GRM8: variants seen among roughly 807,000 people sequenced by gnomAD.
The protein encoded by GRM8 is metabotropic glutamate receptor 8.
GRM8 carries 47 observed loss-of-function variants against 87.2 expected under a neutral mutation model. The ratio of observed to expected loss-of-function variants is 0.54; its 90% confidence interval spans 0.43 to 0.69. The LOEUF is 0.69. Ranked by LOEUF, GRM8 falls within the 30% of genes least tolerant of loss-of-function variation. The pLI is 0.00. For missense variants in GRM8, 1,019 were observed against 1,139.2 expected, an observed-to-expected ratio of 0.89 and a Z score of 1.52; for synonymous variants, 396 against 404.5, an observed-to-expected ratio of 0.98 and a Z score of 0.25.
chr7:127,243,095 G>T lies in GRM8; in HGVS notation c.110C>A (p.Ala37Asp), dbSNP rs747727857. ...GTCCCCATCCACCCGTATGGAATGG[G>T]CATACTCCTGGCTGTGAGTTCTTTG... ...MMQRTHSQEY[A>D]HSIRVDGDII... is the part of the protein sequence containing the mutation. The change falls in exon 2 of 11, where the codon GCC becomes GAC. Residue 37 changes from alanine to aspartate, a missense_variant. Coordinates refer to ENST00000339582, the MANE Select transcript of GRM8 (RefSeq NM_000845.3). 8.7e-6 allele frequency: 14 copies of T among 1,613,848 alleles called. No individual in the cohort carries two copies. Among genetic ancestry groups the T allele is most frequent in the South Asian group, 1.1e-5 (1 of 91,082 alleles).
intron 2 of GRM8, among the ~76,000 whole-genome samples, chr7:127,201,161 T>C (rs1394366668): frequency 6.6e-6 from 1 of 152,172 alleles, no homozygotes; most frequent in African/African-American, 2.4e-5. Flanking sequence ...TTTTTACAGA[T>C]AAAGTGAGGG....
At chr7:126,815,222 C>T (rs1201582297) in intron 6 of GRM8, among the ~76,000 whole-genome samples, 15 of 152,080 alleles carry the variant, frequency 9.9e-5, no homozygotes, top group Admixed American at 9.8e-4. Flanking sequence ...CAGGCTAACA[C>T]CTCAAGTCTT....
intron 7 of GRM8, among the ~76,000 whole-genome samples, chr7:126,618,682 A>T (rs1799786532): frequency 6.6e-6 from 1 of 152,170 alleles, no homozygotes; most frequent in African/African-American, 2.4e-5. Flanking sequence ...AATTTACAAG[A>T]AAAAAACAAC....
At chr7:127,019,592 G>A (rs1816053572) in intron 3 of GRM8, among the ~76,000 whole-genome samples, 1 of 151,928 alleles carries the variant, frequency 6.6e-6, no homozygotes, top group African/African-American at 2.4e-5. Context: ...CATTTTGCAG[G>A]ATATGTAAAA....
At chr7:127,117,286 G>C (rs1256016320) in intron 2 of GRM8, among the ~76,000 whole-genome samples, 9 of 144,312 alleles carry the variant, frequency 6.2e-5, no homozygotes, top group Non-Finnish European at 1.4e-4. Context: ...CTTTGCTTTG[G>C]TTTGTTTCTT....
intron 3 of GRM8, among the ~76,000 whole-genome samples, chr7:127,066,363 G>A (rs550311119): frequency 6.6e-6 from 1 of 152,268 alleles, no homozygotes; most frequent in East Asian, 1.9e-4. Flanking sequence ...GTAACATTGT[G>A]ACTTATGGAA....
intron 8 of GRM8, among the ~76,000 whole-genome samples, chr7:126,565,086 C>T (rs998970409): frequency 4.6e-5 from 7 of 152,202 alleles, no homozygotes; most frequent in East Asian, 1.9e-4. Context: ...ATATGAAAAG[C>T]CTACAGGTAA....
At chr7:127,006,349 T>G (rs1179176146) in intron 3 of GRM8, among the ~76,000 whole-genome samples, 1 of 152,006 alleles carries the variant, frequency 6.6e-6, no homozygotes, top group Non-Finnish European at 1.5e-5. Context: ...CATGTAAACA[T>G]GTTGTAAAAA....
At position 126,516,972 on chromosome 7, in the gene GRM8, T is replaced by C. The variant is rs1296427541; in HGVS notation, c.2430+15980A>G. Among the ~76,000 whole-genome samples, 6 of 152,088 alleles carry C rather than the reference T, an allele frequency of 3.9e-5. No homozygotes were observed. The East Asian group carries it at 1.2e-3, about 29-fold the overall frequency. On this transcript the variant is annotated intron_variant, in intron 9 of 10. Transcript: ENST00000339582. ...GTGGAGAATAGAAAAAAAAGTCTTA[T>C]AAACAAATCATGTTATAACATATCT...
intron 9 of GRM8, among the ~76,000 whole-genome samples, chr7:126,532,358 T>C (rs1279515572): frequency 2.6e-5 from 4 of 152,124 alleles, no homozygotes; most frequent in East Asian, 1.9e-4. Context: ...TGAGAAGAAA[T>C]AGTAAGATGG....
chr7:127,062,530 A>G (rs1820710735), intron 3 of GRM8, among the ~76,000 whole-genome samples: 1 of 152,234 alleles, frequency 6.6e-6, no homozygotes, highest in African/African-American at 2.4e-5. Flanking sequence ...AGATGTTTTC[A>G]GCAAAATAAA....
chr7:126,872,814 A>G (rs139743778), intron 6 of GRM8, among the ~76,000 whole-genome samples: 105 of 152,220 alleles, frequency 6.9e-4, no homozygotes, highest in Non-Finnish European at 9.4e-4. Flanking sequence ...TTCATCATCG[A>G]AGAAAATAAA....
chr7:127,171,609 T>C (rs987006361), intron 2 of GRM8, among the ~76,000 whole-genome samples: 1 of 152,230 alleles, frequency 6.6e-6, no homozygotes, highest in Non-Finnish European at 1.5e-5. Context: ...TAGCATTTTT[T>C]AGCAATAAAT....
intron 9 of GRM8, among the ~76,000 whole-genome samples, chr7:126,453,223 G>A (rs541119047): frequency 6.6e-6 from 1 of 151,770 alleles, no homozygotes; most frequent in East Asian, 2.0e-4. Flanking sequence ...AAAAATCACC[G>A]TCCTGAGTGT....
chr7:126,781,880 T>A (rs1033783394), intron 6 of GRM8, among the ~76,000 whole-genome samples: 4 of 152,072 alleles, frequency 2.6e-5, no homozygotes, highest in African/African-American at 9.7e-5. Flanking sequence ...CACGACCAGC[T>A]AATTTTTAAA....
In GRM8 at chr7:127,241,653, T is replaced by C. The variant is rs1043309521; in HGVS notation, c.510+1042A>G. 1.3e-5 allele frequency among the ~76,000 whole-genome samples: 2 copies of C among 152,264 alleles called. 1 individual carries two copies. The highest frequency in any genetic ancestry group is 4.1e-4 in the South Asian group (2 of 4,826). ...GGTTTCACCGTGTTAGCCAGGATGG[T>C]CTCAATCTCCTGACCTCATGATCCG... On this transcript the variant is annotated intron_variant, in intron 2 of 10. Transcript: ENST00000339582.
chr7:127,125,008 G>A (rs1827283670), intron 2 of GRM8, among the ~76,000 whole-genome samples: 1 of 152,000 alleles, frequency 6.6e-6, no homozygotes, highest in Non-Finnish European at 1.5e-5. Flanking sequence ...TACCCTCAAC[G>A]TGATAATGGA....
chr7:126,514,989 AATCT>A (rs1811969140), intron 9 of GRM8, among the ~76,000 whole-genome samples: 1 of 151,960 alleles, frequency 6.6e-6, no homozygotes, highest in African/African-American at 2.4e-5. Context: ...CAATCCTTAT[AATCT>A]ATTTGTTTCT....
chr7:126,599,213 A>G (rs1265619091), intron 8 of GRM8, among the ~76,000 whole-genome samples: 1 of 152,148 alleles, frequency 6.6e-6, no homozygotes, highest in African/African-American at 2.4e-5. Flanking sequence ...TCTGGGTCAC[A>G]TACATGCACT....
Sources: allele counts gnomAD v4.1 joint callset (sites outside exome capture counted in the v4.1 genomes callset), GRCh38; gene constraint gnomAD v4.1.1; transcripts MANE v1.5; gene names NCBI Gene and HGNC (gene_info 2026-07-23, HGNC 2026-07-21).